NCAM2: variants seen among roughly 807,000 people sequenced by gnomAD.
The protein encoded by NCAM2 is neural cell adhesion molecule 2.
A neutral mutation model predicts 98.1 loss-of-function variants in NCAM2; 30 were observed. The ratio of observed to expected loss-of-function variants is 0.31; its 90% confidence interval spans 0.23 to 0.41. The LOEUF is 0.41. NCAM2 is among the 10% of genes least tolerant of loss of function. The pLI, the probability that NCAM2 is intolerant of heterozygous loss-of-function variation, is 1.00. For missense variants in NCAM2, 867 were observed against 1,005.8 expected (o/e 0.86, Z 1.87); for synonymous variants, 368 against 342.4 (o/e 1.07, Z -0.83).
intron 1 of NCAM2, among the ~76,000 whole-genome samples, chr21:21,264,123 A>G (rs2072030386): frequency 6.6e-6 from 1 of 152,116 alleles, no homozygotes; most frequent in Non-Finnish European, 1.5e-5. Flanking sequence ...CCCAGAATCT[A>G]TAGGGAACTT....
In NCAM2 at chr21:21,200,953, T is replaced by C. The variant is rs140285313; in HGVS notation, c.56-79625T>C. On this transcript the variant is annotated intron_variant, in intron 1 of 17. Coordinates refer to ENST00000400546, the MANE Select transcript of NCAM2 (RefSeq NM_004540.5). The stretch of plus-strand genomic sequence containing the variant: ...TATAGATCTTCTCCAACATTATCTA[T>C]CAGAGTGCATATTAATGAGTGGATA... 3.8e-3 allele frequency among the ~76,000 whole-genome samples: 574 copies of C among 152,232 alleles called. 2 individuals carry two copies. Among genetic ancestry groups the C allele is most frequent in the African/African-American group, 0.013 (549 of 41,522 alleles).
intron 8 of NCAM2, among the ~76,000 whole-genome samples, chr21:21,359,612 A>G (rs1164144070): frequency 1.3e-4 from 20 of 151,990 alleles, no homozygotes; most frequent in Admixed American, 1.3e-3. Context: ...TTACAATTTT[A>G]TGATAGTTGT....
chr21:21,417,039 T>C (rs913873888), intron 10 of NCAM2, among the ~76,000 whole-genome samples: 1 of 152,084 alleles, frequency 6.6e-6, no homozygotes, highest in East Asian at 1.9e-4. Context: ...AAAAAATGAA[T>C]TGAGCTTTTA....
intron 1 of NCAM2, among the ~76,000 whole-genome samples, chr21:21,053,285 T>C (rs1340578943): frequency 6.6e-6 from 1 of 152,028 alleles, no homozygotes; most frequent in Non-Finnish European, 1.5e-5. Context: ...TAATAGCTTT[T>C]TCTCACTCTT....
At chr21:21,459,253 G>A (rs560232518) in intron 12 of NCAM2, among the ~76,000 whole-genome samples, 1 of 151,948 alleles carries the variant, frequency 6.6e-6, no homozygotes, top group Non-Finnish European at 1.5e-5. Flanking sequence ...CACTGTTAGG[G>A]AAAATAGTAT....
chr21:21,056,562 TGAGA>T (rs1201130158), intron 1 of NCAM2, among the ~76,000 whole-genome samples: 7 of 88,172 alleles, frequency 7.9e-5, no homozygotes, highest in Middle Eastern at 6.3e-3. Flanking sequence ...AGAGAGAGAG[TGAGA>T]GAGAGAGATA....
At position 21,539,719 on chromosome 21, in the gene NCAM2, G is replaced by A. The variant is rs554687090; in HGVS notation, c.*1762G>A. The A allele has an allele frequency of 6.6e-6, 1 of 152,258 alleles. No individual in the cohort carries two copies. The highest frequency in any genetic ancestry group is 2.4e-5 in the African/African-American group (1 of 41,554). 9.4% of individuals were successfully genotyped at this position (152,258 alleles called of 1,614,324 possible). On this transcript the variant is annotated 3_prime_UTR_variant, in exon 18 of 18. Coordinates refer to ENST00000400546, the MANE Select transcript of NCAM2 (RefSeq NM_004540.5). ...TGCGGGAATCTCTCCTTGCGTTCCT[G>A]TCTGGCGTATTCTGAAGAAAAGAAC... is the stretch of plus-strand genomic sequence containing the variant.
intron 1 of NCAM2, among the ~76,000 whole-genome samples, chr21:21,241,633 C>A (rs549754431): frequency 9.1e-4 from 139 of 152,084 alleles, no homozygotes; most frequent in Middle Eastern, 3.5e-3. Context: ...CTTGCCAACT[C>A]CATTCATGTG....
At chr21:21,532,331 CTG>C (rs200350672) in intron 16 of NCAM2, among the ~76,000 whole-genome samples, 6 of 151,852 alleles carry the variant, frequency 4.0e-5, no homozygotes, top group African/African-American at 7.3e-5. Flanking sequence ...GTAAAAATAA[CTG>C]TATGCATTTG....
At chr21:21,287,700 G>A (rs1382264295) in intron 4 of NCAM2, among the ~76,000 whole-genome samples, 1 of 151,868 alleles carries the variant, frequency 6.6e-6, no homozygotes, top group Non-Finnish European at 1.5e-5. Context: ...AAGCCTCAAA[G>A]CAAAGACTGA....
chr21:21,412,733 A>C (rs1291379735), intron 10 of NCAM2, among the ~76,000 whole-genome samples: 3 of 152,230 alleles, frequency 2.0e-5, no homozygotes. Flanking sequence ...ATACTCTCAC[A>C]AATTAAATTT....
rs528703313 is a variant in NCAM2, at chr21:21,507,635, C to T, written c.2078-1216C>T. Among the ~76,000 whole-genome samples the T allele has an allele frequency of 1.6e-4, 24 of 151,644 alleles. No individual in the cohort carries two copies. In the East Asian group the frequency reaches 3.9e-3, roughly 25 times the overall value. ...GGTGAAACCCCGTTTCTACTAAAAA[C>T]ACAAAAAAATTACCCAGGTGCAGTG... On this transcript the variant is annotated intron_variant, in intron 15 of 17. Coordinates refer to ENST00000400546, the MANE Select transcript of NCAM2 (RefSeq NM_004540.5).
At chr21:21,400,988 G>T (rs2076617121) in intron 9 of NCAM2, among the ~76,000 whole-genome samples, 1 of 151,972 alleles carries the variant, frequency 6.6e-6, no homozygotes, top group Non-Finnish European at 1.5e-5. Context: ...AATTTATCTA[G>T]TTCAACTCCT....
intron 1 of NCAM2, among the ~76,000 whole-genome samples, chr21:21,070,748 G>A (rs556953031): frequency 1.6e-4 from 25 of 152,264 alleles, no homozygotes; most frequent in African/African-American, 5.5e-4. Context: ...AAGATGGCAA[G>A]GATTATGGAT....
intron 8 of NCAM2, among the ~76,000 whole-genome samples, chr21:21,354,518 AG>A (rs943484077): frequency 2.4e-4 from 36 of 152,220 alleles, no homozygotes; most frequent in African/African-American, 7.5e-4. Flanking sequence ...CAAAATATAC[AG>A]TACAATTGTT....
intron 1 of NCAM2, among the ~76,000 whole-genome samples, chr21:21,159,727 T>C (rs1245238032): frequency 6.6e-6 from 1 of 152,030 alleles, no homozygotes; most frequent in South Asian, 2.1e-4. Flanking sequence ...AGTTTCTCTG[T>C]CATTAAGCAA....
intron 1 of NCAM2, among the ~76,000 whole-genome samples, chr21:21,197,154 G>C (rs536288249): frequency 5.9e-5 from 9 of 152,260 alleles, no homozygotes; most frequent in African/African-American, 1.9e-4. Flanking sequence ...TTTTGAGACA[G>C]AGTCTCACTC....
At chr21:21,526,277 G>T (rs926609710) in intron 16 of NCAM2, among the ~76,000 whole-genome samples, 4 of 151,978 alleles carry the variant, frequency 2.6e-5, no homozygotes, top group Non-Finnish European at 5.9e-5. Flanking sequence ...AAGGTTGCAG[G>T]ATAAAAGATT....
intron 15 of NCAM2, among the ~76,000 whole-genome samples, chr21:21,481,768 C>A: frequency 6.6e-6 from 1 of 151,488 alleles, no homozygotes. Flanking sequence ...CACAACTTAT[C>A]AAAAAAAGGG....
Sources: allele counts gnomAD v4.1 joint callset (sites outside exome capture counted in the v4.1 genomes callset), GRCh38; gene constraint gnomAD v4.1.1; transcripts MANE v1.5; gene names NCBI Gene and HGNC (gene_info 2026-07-23, HGNC 2026-07-21).